The following KIAA1671 variants were observed in gnomAD, a reference collection of about 807,000 sequenced individuals.
KIAA1671 encodes the protein KIAA1671, also known as uncharacterized protein KIAA1671.
In KIAA1671, 52 loss-of-function variants were observed where a neutral mutation model predicts 131.2. That is an observed-to-expected ratio of 0.40 (90% CI 0.32 to 0.50). The LOEUF (loss-of-function observed/expected upper bound fraction) is 0.50. KIAA1671 is among the 20% of genes least tolerant of loss of function. The pLI is 0.73. For missense variants in KIAA1671, 2,360 were observed against 2,364.2 expected (o/e 1.00, Z 0.04); for synonymous variants, 1,003 against 961.6 (o/e 1.04, Z -0.80).
At chr22:24,998,350 G>A (rs1174367823) in intron 1 of KIAA1671, among the ~76,000 whole-genome samples, 7 of 151,930 alleles carry the variant, frequency 4.6e-5, no homozygotes, top group African/African-American at 9.7e-5. Context: ...GAGAACAGGG[G>A]TACAGTGAGC....
chr22:25,176,053 C>G (rs909764233), intron 8 of KIAA1671: 1 of 152,286 alleles, frequency 6.6e-6, no homozygotes, highest in Non-Finnish European at 1.5e-5. Flanking sequence ...CACCATCTTC[C>G]CCTCCAAGCC....
intron 6 of KIAA1671, among the ~76,000 whole-genome samples, chr22:25,168,875 A>G (rs1404173862): frequency 6.6e-6 from 1 of 152,084 alleles, no homozygotes; most frequent in Non-Finnish European, 1.5e-5. Flanking sequence ...TGTTTGGAGC[A>G]AGGGTAGGGG....
At chr22:25,166,867 C>T (rs1025965183) in intron 6 of KIAA1671, among the ~76,000 whole-genome samples, 6 of 152,044 alleles carry the variant, frequency 3.9e-5, no homozygotes, top group African/African-American at 1.4e-4. Flanking sequence ...CTGCCTCCCG[C>T]TGAGCTTAGC....
At chr22:25,088,176 C>T (rs886114336) in intron 6 of KIAA1671, among the ~76,000 whole-genome samples, 2 of 151,120 alleles carry the variant, frequency 1.3e-5, no homozygotes, top group East Asian at 1.9e-4. Context: ...GGTGCAGTCT[C>T]GGCTCACTGC....
At chr22:24,995,561 C>T (rs879722868) in intron 1 of KIAA1671, among the ~76,000 whole-genome samples, 7 of 151,214 alleles carry the variant, frequency 4.6e-5, no homozygotes, top group African/African-American at 9.7e-5. Context: ...GGTTTCGCCA[C>T]GTTGCCCAGG....
intron 1 of KIAA1671, among the ~76,000 whole-genome samples, chr22:25,021,903 C>T (rs1187012992): frequency 6.6e-6 from 1 of 152,136 alleles, no homozygotes; most frequent in African/African-American, 2.4e-5. Context: ...TCTCCTGCCT[C>T]AGCCTCCCGA....
intron 8 of KIAA1671, 175 bp downstream of exon 8, chr22:25,174,664 T>A (rs1933964910): frequency 1.5e-6 from 1 of 666,560 alleles, no homozygotes; most frequent in African/African-American, 1.8e-5. Flanking sequence ...ATACACCTGC[T>A]GTGTGTCTTG....
At chr22:25,005,365 G>GA (rs1245913170) in intron 1 of KIAA1671, among the ~76,000 whole-genome samples, 3 of 136,896 alleles carry the variant, frequency 2.2e-5, no homozygotes, top group Non-Finnish European at 4.7e-5. Context: ...AAAAAAAAAA[G>GA]AAAAAAAGAA....
chr22:25,017,389 A>G (rs1395866781), intron 1 of KIAA1671, among the ~76,000 whole-genome samples: 1 of 152,034 alleles, frequency 6.6e-6, no homozygotes, highest in Non-Finnish European at 1.5e-5. Flanking sequence ...TCTCAAACAA[A>G]CAAAAAAAGG....
intron 11 of KIAA1671, among the ~76,000 whole-genome samples, chr22:25,190,239 T>C (rs1934625932): frequency 6.6e-6 from 1 of 152,070 alleles, no homozygotes; most frequent in South Asian, 2.1e-4. Flanking sequence ...AGGCATTAGA[T>C]TCTCATGAGA....
At chr22:25,182,488 G>A (rs142986039) in intron 10 of KIAA1671, among the ~76,000 whole-genome samples, 3 of 151,160 alleles carry the variant, frequency 2.0e-5, no homozygotes, top group Non-Finnish European at 2.9e-5. Context: ...AGTTTCAAAC[G>A]GAGTTGCAAA....
At chr22:25,180,294 A>C (rs1934221679) in intron 9 of KIAA1671, among the ~76,000 whole-genome samples, 1 of 152,200 alleles carries the variant, frequency 6.6e-6, no homozygotes, top group Admixed American at 6.5e-5. Context: ...TAATCCCAAC[A>C]CTTTGGGAGG....
intron 6 of KIAA1671, among the ~76,000 whole-genome samples, chr22:25,088,483 G>A (rs190935866): frequency 5.3e-5 from 8 of 152,200 alleles, no homozygotes; most frequent in South Asian, 4.2e-4. Context: ...ACAGAGGTGC[G>A]GCCACCACAT....
intron 1 of KIAA1671, among the ~76,000 whole-genome samples, chr22:24,981,949 C>T (rs1923257305): frequency 6.6e-6 from 1 of 152,110 alleles, no homozygotes; most frequent in Admixed American, 6.5e-5. Context: ...TGGCACCTGG[C>T]CTGGGAGGCA....
At chr22:25,119,635 A>G (rs1209216621) in intron 6 of KIAA1671, among the ~76,000 whole-genome samples, 1 of 152,224 alleles carries the variant, frequency 6.6e-6, no homozygotes, top group Non-Finnish European at 1.5e-5. Context: ...AAGAAAATGT[A>G]ACAGGGCATG....
chr22:25,076,546 T>C (rs915152478), intron 6 of KIAA1671, among the ~76,000 whole-genome samples: 3 of 152,108 alleles, frequency 2.0e-5, no homozygotes, highest in Non-Finnish European at 2.9e-5. Context: ...CCAGCAACAG[T>C]TGGGGCATGG....
intron 11 of KIAA1671, 118 bp from the exon 12 acceptor site, chr22:25,190,584 A>T: frequency 1.3e-6 from 1 of 745,704 alleles, no homozygotes; most frequent in Non-Finnish European, 2.3e-6. Context: ...ACCACCTCTG[A>T]GTGCTTGCCC....
At chr22:25,098,835 C>A (rs776775915) in intron 6 of KIAA1671, among the ~76,000 whole-genome samples, 2 of 152,212 alleles carry the variant, frequency 1.3e-5, no homozygotes, top group Non-Finnish European at 2.9e-5. Flanking sequence ...CTCCGCCCAC[C>A]CCAGCATGGC....
At chr22:25,049,108 T>G (rs1927395522) in intron 5 of KIAA1671, 122 bp from the exon 6 acceptor site, 2 of 1,213,300 alleles carry the variant, frequency 1.6e-6, no homozygotes, top group African/African-American at 1.5e-5. Flanking sequence ...GTGGGGGATT[T>G]CTGGGGGTTT....
Sources: allele counts gnomAD v4.1 joint callset (sites outside exome capture counted in the v4.1 genomes callset), GRCh38; gene constraint gnomAD v4.1.1; transcripts MANE v1.5; gene names NCBI Gene and HGNC (gene_info 2026-07-23, HGNC 2026-07-21).